The following VPS13B variants were observed in gnomAD, a reference collection of about 807,000 sequenced individuals.
VPS13B encodes intermembrane lipid transfer protein VPS13B.
In VPS13B, 285 loss-of-function variants were observed where a neutral mutation model predicts 426.4. The observed-to-expected ratio is 0.67, with a 90% confidence interval of 0.61 to 0.74. The LOEUF (loss-of-function observed/expected upper bound fraction) is 0.74, where lower values mean the gene tolerates loss of function less well. Among genes scored for constraint, VPS13B ranks in the 30% least tolerant of loss-of-function variants. The pLI, the probability that VPS13B is intolerant of heterozygous loss-of-function variation, is 0.00. For synonymous variants in VPS13B, 1,676 were observed against 1,676.4 expected (o/e 1.00, Z 0.01); for missense variants, 4,537 against 4,782.6 (o/e 0.95, Z 1.51).
chr8:99,566,873 G>T (rs1265921396), intron 31 of VPS13B, among the ~76,000 whole-genome samples: 8 of 152,236 alleles, frequency 5.3e-5, no homozygotes, highest in African/African-American at 1.9e-4. Context: ...CACTATAACT[G>T]GTACAACAGT....
At chr8:99,422,046 G>T (rs562571827) in intron 21 of VPS13B, among the ~76,000 whole-genome samples, 2 of 152,236 alleles carry the variant, frequency 1.3e-5, no homozygotes, top group Admixed American at 6.5e-5. Context: ...TGCTATAGAG[G>T]TTTTGATTAA....
At chr8:99,375,118 T>C (rs895798713) in intron 19 of VPS13B, among the ~76,000 whole-genome samples, 6 of 152,180 alleles carry the variant, frequency 3.9e-5, no homozygotes, top group Non-Finnish European at 7.3e-5. Flanking sequence ...CTGTGGAAAA[T>C]AGATGGCAAG....
intron 19 of VPS13B, among the ~76,000 whole-genome samples, chr8:99,311,889 T>G (rs1820998814): frequency 6.6e-6 from 1 of 152,244 alleles, no homozygotes; most frequent in Non-Finnish European, 1.5e-5. Flanking sequence ...GGTAGTTTGC[T>G]CTTCTTGTTG....
chr8:99,134,085 T>G (rs1457773837), intron 8 of VPS13B, among the ~76,000 whole-genome samples: 1 of 152,212 alleles, frequency 6.6e-6, no homozygotes, highest in Non-Finnish European at 1.5e-5. Flanking sequence ...TCAATAAGTA[T>G]TTGTTGCATG....
chr8:99,700,048 A>G, intron 36 of VPS13B, 116 bp downstream of exon 36: 4 of 1,271,160 alleles, frequency 3.1e-6, no homozygotes, highest in Non-Finnish European at 4.3e-6. Flanking sequence ...TGTAAAGGCC[A>G]TTAGAGATGA....
chr8:99,275,745 C>T (rs1185206060), intron 19 of VPS13B, among the ~76,000 whole-genome samples: 1 of 152,008 alleles, frequency 6.6e-6, no homozygotes, highest in Non-Finnish European at 1.5e-5. Context: ...GAATCGATTT[C>T]ATTTTATTCA....
Position 99,294,307 on chromosome 8 carries a change from G to A in VPS13B, c.2824+19053G>A, listed in dbSNP as rs13277272. ...TCACAAGAACAAAAAACCAAACACC[G>A]CATATTCTCACTCATAGGTGGGAAT... On this transcript the variant is annotated intron_variant, in intron 19 of 61. Transcript: ENST00000357162. 4.4e-3 allele frequency among the ~76,000 whole-genome samples: 512 copies of A among 115,586 alleles called. 6 individuals are homozygous for A. The highest frequency in any genetic ancestry group is 0.017 in the African/African-American group (484 of 29,232). 75.8% of individuals were successfully genotyped at this position (115,586 alleles called of 152,430 possible).
chr8:99,792,648 G>T (rs2130731520), intron 43 of VPS13B, among the ~76,000 whole-genome samples: 1 of 152,190 alleles, frequency 6.6e-6, no homozygotes, highest in Admixed American at 6.6e-5. Context: ...CCAGCACCAG[G>T]CAGTAAGAAG....
At chr8:99,671,644 G>C (rs1258884797) in intron 35 of VPS13B, among the ~76,000 whole-genome samples, 2 of 151,982 alleles carry the variant, frequency 1.3e-5, no homozygotes, top group Non-Finnish European at 2.9e-5. Flanking sequence ...TGAAGCTTTT[G>C]GGTTTGTTTG....
chr8:99,041,635 C>T (rs1366132020), intron 3 of VPS13B, among the ~76,000 whole-genome samples: 2 of 152,104 alleles, frequency 1.3e-5, no homozygotes, highest in Non-Finnish European at 2.9e-5. Context: ...GGGTGGATCA[C>T]GAGGTCAGGA....
chr8:99,682,419 T>A (rs1195350226), intron 35 of VPS13B, among the ~76,000 whole-genome samples: 2 of 152,232 alleles, frequency 1.3e-5, no homozygotes, highest in Admixed American at 6.5e-5. Context: ...GTTATAATAC[T>A]TTTTTATATT....
At chr8:99,203,752 A>T (rs1814501600) in intron 17 of VPS13B, among the ~76,000 whole-genome samples, 1 of 152,214 alleles carries the variant, frequency 6.6e-6, no homozygotes. Flanking sequence ...GCAAACTCCC[A>T]TTCACAATTT....
chr8:99,584,798 T>G (rs954993253), intron 33 of VPS13B, among the ~76,000 whole-genome samples: 9 of 152,168 alleles, frequency 5.9e-5, no homozygotes, highest in African/African-American at 1.9e-4. Context: ...ATTGAATGCC[T>G]CCTATGCGTC....
At chr8:99,836,860 G>A (rs971364249) in intron 54 of VPS13B, among the ~76,000 whole-genome samples, 3 of 152,198 alleles carry the variant, frequency 2.0e-5, no homozygotes, top group African/African-American at 7.2e-5. Context: ...ATACAAGTTA[G>A]TGACTATCAT....
At position 99,818,850 on chromosome 8, in the gene VPS13B, A is replaced by G. The variant is rs1814199004; in HGVS notation, c.8583A>G (p.Ile2861Met). ...GKGQEKPLQNIEPDLVHHLTF... is the reference protein window; with the variant it reads ...GKGQEKPLQNMEPDLVHHLTF... ...GGCAGGAAAAACCACTGCAAAACATAGAACCTGACCTTGTACATCACCTGA... is the reference window on the plus strand; with the variant it reads ...GGCAGGAAAAACCACTGCAAAACATGGAACCTGACCTTGTACATCACCTGA... Residue 2861 changes from isoleucine (I) to methionine (M), a missense_variant, in exon 47 of 62, where the codon ATA becomes ATG. Transcript: ENST00000357162. The G allele has an allele frequency of 1.2e-6, 2 of 1,613,970 alleles. No homozygotes were observed. Among genetic ancestry groups the G allele is most frequent in the East Asian group, 4.5e-5 (2 of 44,850 alleles).
At chr8:99,648,633 G>T (rs189083496) in intron 34 of VPS13B, among the ~76,000 whole-genome samples, 4 of 152,214 alleles carry the variant, frequency 2.6e-5, no homozygotes, top group Non-Finnish European at 4.4e-5. Flanking sequence ...AGGAAGATGG[G>T]AGAGCTTTAC....
chr8:99,193,611 T>G (rs1053948937), intron 17 of VPS13B, among the ~76,000 whole-genome samples: 1 of 152,160 alleles, frequency 6.6e-6, no homozygotes, highest in Non-Finnish European at 1.5e-5. Flanking sequence ...TAAAGTTGTT[T>G]CAGTTCAAAA....
intron 35 of VPS13B, among the ~76,000 whole-genome samples, chr8:99,692,639 A>G (rs1388529378): frequency 3.9e-5 from 5 of 127,414 alleles, no homozygotes; most frequent in East Asian, 2.7e-4. Context: ...AAGAACTAGA[A>G]AAGCAAGAGC....
intron 24 of VPS13B, among the ~76,000 whole-genome samples, chr8:99,476,018 A>AAGG (rs1466088860): frequency 6.6e-6 from 1 of 152,240 alleles, no homozygotes; most frequent in Non-Finnish European, 1.5e-5. Flanking sequence ...TGTAACCAAC[A>AAGG]TTGATCACAA....
Sources: gnomAD v4.1 joint callset for allele counts (sites outside exome capture counted in the v4.1 genomes callset) on GRCh38, gnomAD v4.1.1 for gene constraint, MANE v1.5 for transcripts, NCBI Gene and HGNC (gene_info 2026-07-23, HGNC 2026-07-21) for gene names.